The following USO1 variants were observed in gnomAD, a reference collection of about 807,000 sequenced individuals.
USO1 encodes USO1 vesicle transport factor.
In USO1, 57 loss-of-function variants were observed where a neutral mutation model predicts 124.5. The observed-to-expected ratio is 0.46, with a 90% CI of 0.37 to 0.57. The LOEUF (loss-of-function observed/expected upper bound fraction) is 0.57, where lower values mean the gene tolerates loss of function less well. Among genes scored for constraint, USO1 ranks in the 20% least tolerant of loss-of-function variants. The pLI is 0.00. For synonymous variants in USO1, 369 were observed against 362.8 expected (o/e 1.02, Z -0.19); for missense variants, 900 against 1,040.6 (o/e 0.86, Z 1.86).
intron 13 of USO1, among the ~76,000 whole-genome samples, chr4:75,794,745 A>T (rs1196778891): frequency 6.6e-6 from 1 of 152,136 alleles, no homozygotes; most frequent in Non-Finnish European, 1.5e-5. Flanking sequence ...CACTCGTTGA[A>T]TTTTTCCTTA....
intron 1 of USO1, among the ~76,000 whole-genome samples, chr4:75,748,098 G>C (rs1012924683): frequency 3.3e-5 from 5 of 151,402 alleles, no homozygotes; most frequent in Admixed American, 2.6e-4. Flanking sequence ...GTAGAGACGG[G>C]GTTTCTCTGT....
At chr4:75,800,894 C>G in intron 16 of USO1, 95 bp downstream of exon 16, 4 of 1,477,370 alleles carry the variant, frequency 2.7e-6, no homozygotes, top group Non-Finnish European at 2.7e-6. Flanking sequence ...TATGGTAACT[C>G]TAAAGGTATA....
At chr4:75,756,124 C>T (rs1354554981) in intron 3 of USO1, among the ~76,000 whole-genome samples, 9 of 148,464 alleles carry the variant, frequency 6.1e-5, no homozygotes, top group Admixed American at 1.4e-4. Context: ...GAGTCAAGAT[C>T]GCGCCACTGC....
At chr4:75,759,904 C>T (rs1174541105) in intron 4 of USO1, among the ~76,000 whole-genome samples, 1 of 145,492 alleles carries the variant, frequency 6.9e-6, no homozygotes, top group Non-Finnish European at 1.5e-5. Context: ...GAACAAGACT[C>T]TGTCTTAAAA....
Position 75,790,142 on chromosome 4 carries a change from C to G in USO1, c.997-8C>G, listed in dbSNP as rs1242854781. 6.3e-7 allele frequency: 1 copy of G among 1,585,268 alleles called. No homozygotes were observed. The highest frequency in any genetic ancestry group is 1.8e-5 in the Admixed American group (1 of 56,822). On this transcript the variant is annotated splice_polypyrimidine_tract_variant and splice_region_variant and intron_variant, in intron 10 of 23. Coordinates refer to ENST00000514213, the MANE Select transcript of USO1 (RefSeq NM_003715.4). ...CTAAATGTTCTTTTTCTTTCTTCCCCTTAACAGACCATAAATACTGTATCA... is the reference window on the plus strand; with the variant it reads ...CTAAATGTTCTTTTTCTTTCTTCCCGTTAACAGACCATAAATACTGTATCA...
intron 3 of USO1, among the ~76,000 whole-genome samples, chr4:75,753,689 A>G (rs1721351063): frequency 6.6e-6 from 1 of 152,024 alleles, no homozygotes; most frequent in South Asian, 2.1e-4. Context: ...CTGTATTCCA[A>G]CCTGGGCAGC....
Position 75,777,458 on chromosome 4 carries a change from G to C in USO1, c.676+2662G>C, listed in dbSNP as rs148084987. On this transcript the variant is annotated intron_variant, in intron 8 of 23. Transcript: ENST00000514213. ...AAAACACATGTTTGAAAAGGGACTT[G>C]TATCTAAAATATATTTAGAACTCTT... Among the ~76,000 whole-genome samples the C allele has an allele frequency of 4.8e-4, 73 of 152,236 alleles. 2 individuals are homozygous for C. The East Asian group carries it at 0.01, about 22-fold the overall frequency.
intron 4 of USO1, among the ~76,000 whole-genome samples, chr4:75,763,744 T>C (rs924895208): frequency 4.6e-5 from 7 of 152,170 alleles, no homozygotes; most frequent in African/African-American, 1.7e-4. Context: ...CTATAGGCTA[T>C]AAAAAACTTA....
intron 8 of USO1, among the ~76,000 whole-genome samples, chr4:75,779,220 C>T (rs1049592667): frequency 7.2e-5 from 11 of 152,160 alleles, no homozygotes; most frequent in African/African-American, 1.4e-4. Flanking sequence ...CTCCCTCCCT[C>T]GGGCCTCCCT....
chr4:75,772,880 T>C (rs1486728051), intron 7 of USO1, among the ~76,000 whole-genome samples: 1 of 152,140 alleles, frequency 6.6e-6, no homozygotes, highest in Non-Finnish European at 1.5e-5. Flanking sequence ...GTGGATCACC[T>C]GAGGTCAGGA....
Position 75,765,280 on chromosome 4 carries a change from A to G in USO1, c.296-5159A>G, listed in dbSNP as rs115917633. The stretch of plus-strand genomic sequence containing the variant: ...ATAATTTATTTGACATGCATTCCCA[A>G]TGGGCCCTTTTTGTATAATTTCTTT... On this transcript the variant is annotated intron_variant, in intron 4 of 23. Coordinates refer to ENST00000514213, the MANE Select transcript of USO1 (RefSeq NM_003715.4). Among the ~76,000 whole-genome samples the G allele has an allele frequency of 3.6e-3, 549 of 152,170 alleles. 8 individuals are homozygous for G. Among genetic ancestry groups the G allele is most frequent in the African/African-American group, 0.012 (500 of 41,546 alleles).
intron 23 of USO1, among the ~76,000 whole-genome samples, 176 bp from the exon 24 acceptor site, chr4:75,813,030 T>C (rs1723194850): frequency 6.6e-6 from 1 of 152,054 alleles, no homozygotes; most frequent in South Asian, 2.1e-4. Flanking sequence ...GGATAATCGC[T>C]TGAACCTGGC....
Position 75,810,452 on chromosome 4 carries a change from A to G in USO1, c.2496A>G (p.Gln832=), listed in dbSNP as rs774785611. 1 of 1,612,026 alleles carries G rather than the reference A, an allele frequency of 6.2e-7. No individual in the cohort carries two copies. The highest frequency in any genetic ancestry group is 8.5e-7 in the Non-Finnish European group (1 of 1,179,252). Reference sequence around the variant, plus strand: ...TTCAGGCAAAATCAGTTGAGGTACAAGGAGAGACCGAGACTATAATAGCCA... The same window carrying G: ...TTCAGGCAAAATCAGTTGAGGTACAGGGAGAGACCGAGACTATAATAGCCA... ...TEAFAKSVEV[Q]GETETIIATK... is the part of the protein sequence containing the mutation. The change falls in exon 22 of 24, where the codon CAA becomes CAG. Residue 832 remains glutamine, a synonymous_variant. Transcript: ENST00000514213.
At chr4:75,751,664 C>G (rs1343092567) in intron 1 of USO1, among the ~76,000 whole-genome samples, 2 of 151,140 alleles carry the variant, frequency 1.3e-5, no homozygotes, top group African/African-American at 4.9e-5. Flanking sequence ...AACCCTGTCT[C>G]TACTAAAAAT....
At position 75,813,396 on chromosome 4, in the gene USO1, T is replaced by G. The variant is rs528690015; in HGVS notation, c.*101T>G. ...GGAAAATAAAGATTTAGAAACCAGGTGGAAAACATTCACTATTAAGACTAT... is the reference window on the plus strand; with the variant it reads ...GGAAAATAAAGATTTAGAAACCAGGGGGAAAACATTCACTATTAAGACTAT... On this transcript the variant is annotated 3_prime_UTR_variant, in exon 24 of 24. Transcript: ENST00000514213. The G allele has an allele frequency of 1.5e-5, 19 of 1,283,656 alleles. No homozygotes were observed. The South Asian group carries it at 3.8e-4, about 25-fold the overall frequency. The allele number at this position is 1,283,656 out of a possible 1,614,324, so 79.5% of individuals were successfully genotyped here. A position where few individuals can be genotyped will look rare whatever the true frequency, so the allele number is the denominator to read the frequency against.
intron 1 of USO1, among the ~76,000 whole-genome samples, chr4:75,744,183 A>G (rs1475522569): frequency 1.3e-5 from 2 of 152,196 alleles, no homozygotes; most frequent in Non-Finnish European, 2.9e-5. Flanking sequence ...ATTATAAACC[A>G]CTGCTTCAGG....
At position 75,777,349 on chromosome 4, in the gene USO1, C is replaced by G. The variant is rs556204768; in HGVS notation, c.676+2553C>G. Among the ~76,000 whole-genome samples, 8 of 152,174 alleles carry G rather than the reference C, an allele frequency of 5.3e-5. No individual in the cohort carries two copies. In the South Asian group the frequency reaches 1.7e-3, roughly 32 times the overall value. On this transcript the variant is annotated intron_variant, in intron 8 of 23. Coordinates refer to ENST00000514213, the MANE Select transcript of USO1 (RefSeq NM_003715.4). ...AGAAAAAAATTGATAAATGAGACTT[C>G]ATTAAAGTTGAGAACTTGTGCCCTG...
In USO1 at chr4:75,724,892, G is replaced by A; in HGVS notation, c.66+7G>A. The A allele has an allele frequency of 2.5e-6, 4 of 1,612,980 alleles. No homozygotes were observed. Among genetic ancestry groups the A allele is most frequent in the Non-Finnish European group, 3.4e-6 (4 of 1,179,370 alleles). ...GCACACAGAAGCCGAGACGGTGAGA[G>A]GAGCAGCGGGTCTGGGACTTGGGAA... is the stretch of plus-strand genomic sequence containing the variant. On this transcript the variant is annotated splice_region_variant and intron_variant, in intron 1 of 23. Transcript: ENST00000514213.
chr4:75,742,265 T>C (rs541176536), intron 1 of USO1, among the ~76,000 whole-genome samples: 1 of 152,316 alleles, frequency 6.6e-6, no homozygotes, highest in South Asian at 2.1e-4. Flanking sequence ...GGCAGTGCAG[T>C]GGGTTTGTTT....
Sources: gnomAD v4.1 joint callset for allele counts (sites outside exome capture counted in the v4.1 genomes callset) on GRCh38, gnomAD v4.1.1 for gene constraint, MANE v1.5 for transcripts, NCBI Gene and HGNC (gene_info 2026-07-23, HGNC 2026-07-21) for gene names.